Variants in ADAMTS1 observed in about 807,000 individuals in gnomAD.
The protein encoded by ADAMTS1 is ADAM metallopeptidase with thrombospondin type 1 motif 1, also known as A disintegrin and metalloproteinase with thrombospondin motifs 1.
Under a neutral mutation model 87.9 loss-of-function variants are expected in ADAMTS1, and 19 were observed. The ratio of observed to expected loss-of-function variants is 0.22; its 90% CI spans 0.15 to 0.32. ADAMTS1 has a LOEUF of 0.32. Among genes scored for constraint, ADAMTS1 ranks in the 10% least tolerant of loss-of-function variants. The pLI, the probability that ADAMTS1 is intolerant of heterozygous loss-of-function variation, is 1.00. For synonymous variants in ADAMTS1, 542 were observed against 501.8 expected (o/e 1.08, Z -1.07); for missense variants, 1,240 against 1,259.1 (o/e 0.98, Z 0.23).
Position 26,841,020 on chromosome 21 carries a change from T to C in ADAMTS1, c.1356A>G (p.Thr452=). The C allele has an allele frequency of 6.2e-7, 1 of 1,614,142 alleles. No homozygotes were observed. Among genetic ancestry groups the C allele is most frequent in the Non-Finnish European group, 8.5e-7 (1 of 1,180,022 alleles). ...PWSPCSAYMI[T]SFLDNGHGEC... ...CACCATGACCATTATCCAGAAATGA[T>C]GTAATCATGTAGGCACTGCAAGGAG... is the stretch of plus-strand genomic sequence containing the variant. Residue 452 remains threonine (T), a synonymous_variant, in exon 4 of 9, where the codon ACA becomes ACG. Coordinates refer to ENST00000284984, the MANE Select transcript of ADAMTS1 (RefSeq NM_006988.5).
At chr21:26,843,004 A>C in intron 1 of ADAMTS1, 2 of 326,804 alleles carry the variant, frequency 6.1e-6, no homozygotes, top group Non-Finnish European at 5.7e-6. Flanking sequence ...TTGTAGTAAA[A>C]TCTTGGAGCA....
In ADAMTS1 at chr21:26,836,723, T is replaced by A. The variant is rs946550721; in HGVS notation, c.*856A>T. 6.6e-6 allele frequency: 1 copy of A among 152,584 alleles called. No homozygotes were observed. Among genetic ancestry groups the A allele is most frequent in the Non-Finnish European group, 1.5e-5 (1 of 68,036 alleles). The allele number at this position is 152,584 out of a possible 1,614,324, so 9.5% of individuals were successfully genotyped here. A position where few individuals can be genotyped will look rare whatever the true frequency, so the allele number is the denominator to read the frequency against. On this transcript the variant is annotated 3_prime_UTR_variant, in exon 9 of 9. Transcript: ENST00000284984. Reference sequence around the variant, plus strand: ...GCGTTTCATCCTCCTTGTGTGATTGTACTGATTTTCATGAGACACAAGTTA... The same window carrying A: ...GCGTTTCATCCTCCTTGTGTGATTGAACTGATTTTCATGAGACACAAGTTA...
Position 26,842,335 on chromosome 21 carries a change from T to C in ADAMTS1, c.1077+4A>G. The C allele has an allele frequency of 6.2e-7, 1 of 1,612,930 alleles. No individual in the cohort carries two copies. The highest frequency in any genetic ancestry group is 8.5e-7 in the Non-Finnish European group (1 of 1,179,310). On this transcript the variant is annotated splice_donor_region_variant and intron_variant, in intron 2 of 8. Coordinates refer to ENST00000284984, the MANE Select transcript of ADAMTS1 (RefSeq NM_006988.5). ...TCTCACAGCTGGTACCATCTTCCTC[T>C]TACCTGTCTGGTGAAAAGAATTGCT... is the stretch of plus-strand genomic sequence containing the variant.
chr21:26,839,926 T>C lies in ADAMTS1; in HGVS notation c.1801A>G (p.Lys601Glu). Residue 601 changes from lysine to glutamate, a missense_variant, in exon 6 of 9, where the codon AAA becomes GAA. Lys to Glu is a moderately conservative substitution (Grantham distance 56). Transcript: ENST00000284984. The part of the protein sequence containing the change: ...PKNGGKYCEG[K>E]RVRYRSCNLE... ...TTACAGGATCTGTAGCGCACTCGTT[T>C]GCCTTCACAGTACTTCCCTCCATTC... 1 of 1,614,148 alleles carries C rather than the reference T, an allele frequency of 6.2e-7. No homozygotes were observed. Among genetic ancestry groups the C allele is most frequent in the African/African-American group, 1.3e-5 (1 of 75,046 alleles).
Position 26,844,838 on chromosome 21 carries a change from G to T in ADAMTS1, c.117C>A (p.Leu39=). The change falls in exon 1 of 9, where the codon CTC becomes CTA. Residue 39 remains leucine, a synonymous_variant. Coordinates refer to ENST00000284984, the MANE Select transcript of ADAMTS1 (RefSeq NM_006988.5). ...SFGPVPTLLL[L]AAALLAVSDA... Reference sequence around the variant, plus strand: ...CCGACACGGCCAGTAGCGCCGCGGCGAGCAGCAGCAGCGTGGGTACTGGCC... The same window carrying T: ...CCGACACGGCCAGTAGCGCCGCGGCTAGCAGCAGCAGCGTGGGTACTGGCC... 2 of 1,555,434 alleles carry T rather than the reference G, an allele frequency of 1.3e-6. No individual in the cohort carries two copies. Among genetic ancestry groups the T allele is most frequent in the South Asian group, 1.2e-5 (1 of 85,866 alleles).
rs2063004062 is a variant in ADAMTS1, at chr21:26,841,918, T to C, written c.1150A>G (p.Ser384Gly). 1.9e-6 allele frequency: 3 copies of C among 1,614,082 alleles called. No individual in the cohort carries two copies. The highest frequency in any genetic ancestry group is 1.6e-4 in the Middle Eastern group (1 of 6,084). Reference protein sequence around the residue: ...DVGTVCDPSRSCSVIEDDGLQ... With the variant: ...DVGTVCDPSRGCSVIEDDGLQ... ...CCATCATCTTCTATGACGGAGCAGC[T>C]TCTGCTCGGATCACACACAGTTCCA... Residue 384 changes from serine (S) to glycine (G), a missense_variant, in exon 3 of 9, where the codon AGC (serine) becomes GGC (glycine). Ser to Gly is a moderately conservative substitution (Grantham distance 56). Coordinates refer to ENST00000284984, the MANE Select transcript of ADAMTS1 (RefSeq NM_006988.5).
rs1985391167 is a variant in ADAMTS1, at chr21:26,837,520, C to T, written c.*59G>A. The T allele has an allele frequency of 3.3e-6, 5 of 1,503,756 alleles. No homozygotes were observed. The Admixed American group carries it at 6.9e-5, about 21-fold the overall frequency. The allele number at this position is 1,503,756 out of a possible 1,614,324, so 93.2% of individuals were successfully genotyped here. ...TGGATCCCTCCAGCCTTCTTGCTTT[C>T]CCTGCACCAGCCCTTCCTCACTTTG... On this transcript the variant is annotated 3_prime_UTR_variant, in exon 9 of 9. Coordinates refer to ENST00000284984, the MANE Select transcript of ADAMTS1 (RefSeq NM_006988.5).
At position 26,843,389 on chromosome 21, in the gene ADAMTS1, G is replaced by A. The variant is rs1985535620; in HGVS notation, c.731-704C>T. On this transcript the variant is annotated intron_variant, in intron 1 of 8. Coordinates refer to ENST00000284984, the MANE Select transcript of ADAMTS1 (RefSeq NM_006988.5). ...CTGGGCTGCGACCACTTTGCTCCCA[G>A]GAGCAGAGGAGCAGGGGAAAAGGGG... 9.1e-6 allele frequency: 4 copies of A among 440,836 alleles called. No homozygotes were observed. In the Admixed American group the frequency reaches 1.0e-4, roughly 11 times the overall value. The allele number at this position is 440,836 out of a possible 1,614,324, so 27.3% of individuals were successfully genotyped here. A position where few individuals can be genotyped will look rare whatever the true frequency, so the allele number is the denominator to read the frequency against.
Position 26,844,713 on chromosome 21 carries a change from A to G in ADAMTS1, c.242T>C (p.Phe81Ser). ...CAGCTCCAGATCCAGCTGCTGGTCA[A>G]AGGCGTGCAGGCGGAGGCGCGTGGT... The part of the protein sequence containing the change: ...HGTTRLRLHA[F>S]DQQLDLELRP... The change falls in exon 1 of 9, where the codon TTT becomes TCT. Residue 81 changes from phenylalanine (F) to serine (S), a missense_variant. By Grantham distance (155) the Phe-to-Ser change is radical (BLOSUM62 -2). Around this residue, in one of 3 missense-constraint regions of ADAMTS1, gnomAD observed 521 missense variants for 449.7 expected, o/e 1.16. Coordinates refer to ENST00000284984, the MANE Select transcript of ADAMTS1 (RefSeq NM_006988.5). The G allele has an allele frequency of 6.3e-7, 1 of 1,587,294 alleles. No homozygotes were observed. The highest frequency in any genetic ancestry group is 8.6e-7 in the Non-Finnish European group (1 of 1,166,296).
rs552206055 is a variant in ADAMTS1 at position 26,837,985 on chromosome 21, C to A, written c.2498G>T (p.Arg833Leu). Residue 833 changes from arginine (R) to leucine (L), a missense_variant, in exon 9 of 9, where the codon CGA becomes CTA. Physicochemically the swap from Arg to Leu is moderately radical, Grantham distance 102. Around this residue, in one of 3 missense-constraint regions of ADAMTS1, gnomAD observed 402 missense variants for 399.1 expected, o/e 1.01. Transcript: ENST00000284984. ...GAAGTAGGTGTATTTAATTTTAGGT[C>A]GAAGGGCATTGCCCACAGTAAGAAC... ...IQVLTVGNAL[R>L]PKIKYTYFVK... 1.2e-6 allele frequency: 2 copies of A among 1,614,158 alleles called. No individual in the cohort carries two copies. Among genetic ancestry groups the A allele is most frequent in the Admixed American group, 1.7e-5 (1 of 60,026 alleles).
chr21:26,839,495 T>G (rs937659740), intron 7 of ADAMTS1, 92 bp downstream of exon 7: 2 of 1,197,070 alleles, frequency 1.7e-6, no homozygotes, highest in Non-Finnish European at 2.3e-6. Flanking sequence ...TATGTTAATA[T>G]GGAAAGCAAA....
chr21:26,844,469 G>T lies in ADAMTS1; in HGVS notation c.486C>A (p.Pro162=), dbSNP rs768439258. 1.3e-6 allele frequency: 2 copies of T among 1,586,126 alleles called. No homozygotes were observed. The highest frequency in any genetic ancestry group is 1.7e-6 in the Non-Finnish European group (2 of 1,165,918). Residue 162 remains proline (P), a synonymous_variant, in exon 1 of 9, where the codon CCC becomes CCA. Coordinates refer to ENST00000284984, the MANE Select transcript of ADAMTS1 (RefSeq NM_006988.5). ...CGGTGGCGAGGCGCTCGCTGGCGGC[G>T]GGCAGCGGCTGGATGAAATACGCCT... is the stretch of plus-strand genomic sequence containing the variant. ...LGEAYFIQPL[P]AASERLATAA...
Position 26,844,583 on chromosome 21 carries a change from G to A in ADAMTS1, c.372C>T (p.Phe124=), listed in dbSNP as rs751661996. 4.3e-6 allele frequency: 7 copies of A among 1,611,188 alleles called. No homozygotes were observed. Among genetic ancestry groups the A allele is most frequent in the African/African-American group, 1.3e-5 (1 of 74,926 alleles). The change falls in exon 1 of 9, where the codon TTC becomes TTT. Residue 124 remains phenylalanine (F), a synonymous_variant. Transcript: ENST00000284984. Reference sequence around the variant, plus strand: ...GATCGCCATTCACGGTGCCGGAGTAGAAGCAGTGCGCCAGGTCGGTTTCCG... The same window carrying A: ...GATCGCCATTCACGGTGCCGGAGTAAAAGCAGTGCGCCAGGTCGGTTTCCG... ...PLPETDLAHC[F]YSGTVNGDPS...
intron 4 of ADAMTS1, 147 bp downstream of exon 4, chr21:26,840,851 A>T: frequency 9.7e-7 from 1 of 1,030,380 alleles, no homozygotes; most frequent in Non-Finnish European, 1.4e-6. Context: ...ATTTGGAATT[A>T]AGATCTCAAC....
chr21:26,838,177 G>A lies in ADAMTS1; in HGVS notation c.2306C>T (p.Ala769Val). Residue 769 changes from alanine to valine, a missense_variant, in exon 9 of 9, where the codon GCC becomes GTC. Coordinates refer to ENST00000284984, the MANE Select transcript of ADAMTS1 (RefSeq NM_006988.5). ...ATATGTGCCATCAGCAGCTTTGATGGCAAGAAAGCTGCCATTGTTCCTGGA... is the reference window on the plus strand; with the variant it reads ...ATATGTGCCATCAGCAGCTTTGATGACAAGAAAGCTGCCATTGTTCCTGGA... ...RGSRNNGSFLAIKAADGTYIL... is the reference protein window; with the variant it reads ...RGSRNNGSFLVIKAADGTYIL... 6.2e-7 allele frequency: 1 copy of A among 1,614,082 alleles called. No homozygotes were observed. The highest frequency in any genetic ancestry group is 8.5e-7 in the Non-Finnish European group (1 of 1,179,962).
At chr21:26,841,579 A>C (rs1222483290) in intron 3 of ADAMTS1, 10 of 330,492 alleles carry the variant, frequency 3.0e-5, no homozygotes, top group Non-Finnish European at 4.3e-5. Flanking sequence ...TTCTAGAGAA[A>C]GAAATATATT....
rs140674195 is a variant in ADAMTS1, at chr21:26,844,622, G to C, written c.333C>G (p.Ser111=). 40 of 1,608,610 alleles carry C rather than the reference G, an allele frequency of 2.5e-5. No homozygotes were observed. The African/African-American group carries it at 5.1e-4, about 20-fold the overall frequency. Residue 111 remains serine (S), a synonymous_variant, in exon 1 of 9, where the codon TCC becomes TCG. Transcript: ENST00000284984. ...GGTCGGTTTCCGGAAGCGGCGTCTC[G>C]GACCCGGATTTGCGCCCCACGTTCT... ...TLQNVGRKSG[S]ETPLPETDLA... is the part of the protein sequence containing the mutation.
At chr21:26,843,778 A>G (rs1265315279) in intron 1 of ADAMTS1, 1 of 486,410 alleles carries the variant, frequency 2.1e-6, no homozygotes, top group Non-Finnish European at 4.1e-6. Flanking sequence ...CCCTCTCCAC[A>G]TCCGCCCTCC....
rs370355556 is a variant in ADAMTS1, at chr21:26,839,489, T to G, written c.2028+98A>C. 1.3e-5 allele frequency: 15 copies of G among 1,137,580 alleles called. No individual in the cohort carries two copies. In the East Asian group the frequency reaches 3.0e-4, roughly 22 times the overall value. 70.5% of individuals were successfully genotyped at this position (1,137,580 alleles called of 1,614,324 possible). On this transcript the variant is annotated intron_variant, in intron 7 of 8. Coordinates refer to ENST00000284984, the MANE Select transcript of ADAMTS1 (RefSeq NM_006988.5). ...GTTCAAATTTGAAATTGAAGATATG[T>G]TAATATGGAAAGCAAAGAAAGTATA... is the stretch of plus-strand genomic sequence containing the variant.
Sources: gnomAD v4.1 joint callset for allele counts on GRCh38, gnomAD v4.1.1 for gene constraint, gnomAD v4.1.1 regional missense constraint, MANE v1.5 for transcripts, NCBI Gene and HGNC (gene_info 2026-07-23, HGNC 2026-07-21) for gene names.